Variants in RPS6KA5 observed in about 807,000 individuals in gnomAD.
RPS6KA5 encodes the protein ribosomal protein S6 kinase alpha-5.
A neutral mutation model predicts 85.5 loss-of-function variants in RPS6KA5; 27 were observed. The ratio of observed to expected loss-of-function variants is 0.32; its 90% CI spans 0.23 to 0.44. RPS6KA5 has a LOEUF of 0.44. Among genes scored for constraint, RPS6KA5 ranks in the 20% least tolerant of loss-of-function variants. The pLI is 1.00. For synonymous variants in RPS6KA5, 334 were observed against 348.2 expected, an observed-to-expected ratio of 0.96 and a Z score of 0.46; for missense variants, 811 against 980.9, an observed-to-expected ratio of 0.83 and a Z score of 2.31.
intron 1 of RPS6KA5, among the ~76,000 whole-genome samples, chr14:91,010,864 C>T (rs913785988): frequency 2.0e-5 from 3 of 152,062 alleles, no homozygotes; most frequent in Non-Finnish European, 4.4e-5. Context: ...TAATGGGATC[C>T]GGGACAGAAG....
chr14:91,056,709 C>A (rs888276082), intron 1 of RPS6KA5, among the ~76,000 whole-genome samples: 1 of 152,086 alleles, frequency 6.6e-6, no homozygotes, highest in African/African-American at 2.4e-5. Flanking sequence ...AAAATACTTA[C>A]TAAATAAGTG....
chr14:90,935,163 T>C (rs934764067), intron 5 of RPS6KA5, among the ~76,000 whole-genome samples: 2 of 152,202 alleles, frequency 1.3e-5, no homozygotes, highest in African/African-American at 4.8e-5. Flanking sequence ...TGATTCTCAA[T>C]GCAAACACGC....
intron 14 of RPS6KA5, among the ~76,000 whole-genome samples, chr14:90,875,742 G>A (rs995839631): frequency 2.0e-5 from 3 of 151,880 alleles, no homozygotes; most frequent in Non-Finnish European, 4.4e-5. Flanking sequence ...ATGAGTTCAT[G>A]TCCTTTGTAG....
At chr14:90,923,055 G>A in intron 6 of RPS6KA5, 58 bp downstream of exon 6, 2 of 1,279,456 alleles carry the variant, frequency 1.6e-6, no homozygotes, top group Non-Finnish European at 2.3e-6. Context: ...TTGTTAACTA[G>A]GATTCTTATA....
intron 1 of RPS6KA5, 100 bp from the exon 2 acceptor site, chr14:91,001,259 G>C: frequency 1.4e-6 from 1 of 692,412 alleles, no homozygotes; most frequent in Admixed American, 2.7e-5. Flanking sequence ...TTCTTGACTT[G>C]AGTGATTAAC....
At chr14:90,939,496 G>A (rs1260283124) in intron 5 of RPS6KA5, among the ~76,000 whole-genome samples, 1 of 152,134 alleles carries the variant, frequency 6.6e-6, no homozygotes, top group Non-Finnish European at 1.5e-5. Flanking sequence ...ATATATCCAA[G>A]ACTAGGCAAT....
chr14:91,036,901 C>A (rs780634502), intron 1 of RPS6KA5, among the ~76,000 whole-genome samples: 1 of 152,084 alleles, frequency 6.6e-6, no homozygotes, highest in Non-Finnish European at 1.5e-5. Context: ...AGTGGAGACG[C>A]CTTGGAGCAG....
intron 7 of RPS6KA5, among the ~76,000 whole-genome samples, chr14:90,912,929 T>TG (rs1566732204): frequency 2.3e-4 from 33 of 143,356 alleles, no homozygotes; most frequent in African/African-American, 6.6e-4. Flanking sequence ...TTTTTTTTTT[T>TG]GGGTGGAGTC....
At chr14:91,020,100 C>A (rs977673055) in intron 1 of RPS6KA5, among the ~76,000 whole-genome samples, 5 of 152,244 alleles carry the variant, frequency 3.3e-5, no homozygotes, top group Admixed American at 3.3e-4. Context: ...AGTAACAACA[C>A]CGTATTATAA....
At chr14:91,038,461 C>A (rs906532587) in intron 1 of RPS6KA5, among the ~76,000 whole-genome samples, 3 of 152,118 alleles carry the variant, frequency 2.0e-5, no homozygotes, top group Admixed American at 2.0e-4. Context: ...AATCTGGAAC[C>A]CATGAGGACA....
chr14:90,935,564 G>C (rs1324118281), intron 5 of RPS6KA5, among the ~76,000 whole-genome samples: 2 of 152,104 alleles, frequency 1.3e-5, no homozygotes, highest in East Asian at 1.9e-4. Flanking sequence ...CTAAGAAATA[G>C]AGAACCAGAA....
rs1253262521 is a variant in RPS6KA5, at chr14:91,050,069, CATAA to C, written c.103+10259_103+10262del. On this transcript the variant is annotated intron_variant, in intron 1 of 16. Transcript: ENST00000614987. ...AAAGGAGAGCTGCACTGTACTCATACATAACTACAACTGTCACTGAAATCTTTCA... is the reference window on the plus strand; with the variant it reads ...AAAGGAGAGCTGCACTGTACTCATACCTACAACTGTCACTGAAATCTTTCA... Among the ~76,000 whole-genome samples the C allele has an allele frequency of 2.0e-5, 3 of 152,318 alleles. No homozygotes were observed. The East Asian group carries it at 5.8e-4, about 29-fold the overall frequency.
rs1297132969 is a variant in RPS6KA5 at position 90,856,624 on chromosome 14, A to T, written c.*15450T>A. 6.6e-6 allele frequency: 1 copy of T among 152,130 alleles called. No homozygotes were observed. Among genetic ancestry groups the T allele is most frequent in the Non-Finnish European group, 1.5e-5 (1 of 68,030 alleles). 9.4% of individuals were successfully genotyped at this position (152,130 alleles called of 1,614,324 possible). Reference sequence around the variant, plus strand: ...GTGATCCACCCGTCTCGGCCTCCCAAAGTGCTGGGATCACAGGCGTGAGCC... The same window carrying T: ...GTGATCCACCCGTCTCGGCCTCCCATAGTGCTGGGATCACAGGCGTGAGCC... On this transcript the variant is annotated 3_prime_UTR_variant, in exon 17 of 17. Coordinates refer to ENST00000614987, the MANE Select transcript of RPS6KA5 (RefSeq NM_004755.4).
In RPS6KA5 at chr14:90,985,567, T is replaced by C. The variant is rs60021969; in HGVS notation, c.176-7043A>G. ...ATGCAGCTTAAAATTATACCTTGAA[T>C]AGAATGTTTACTAGCCATGCTGCAC... On this transcript the variant is annotated intron_variant, in intron 2 of 16. Transcript: ENST00000614987. Among the ~76,000 whole-genome samples, 1,464 of 152,318 alleles carry C rather than the reference T, an allele frequency of 9.6e-3. 25 individuals carry two copies. The highest frequency in any genetic ancestry group is 0.031 in the African/African-American group (1,304 of 41,564).
intron 14 of RPS6KA5, among the ~76,000 whole-genome samples, chr14:90,876,305 CATGTAACT>C (rs112064865): frequency 0.013 from 1,965 of 152,328 alleles, 43 homozygotes; most frequent in African/African-American, 0.045. Flanking sequence ...TTCCCCAGGA[CATGTAACT>C]ATGGTTAAGG....
chr14:91,019,528 C>A (rs1025376451), intron 1 of RPS6KA5, among the ~76,000 whole-genome samples: 2 of 152,192 alleles, frequency 1.3e-5, no homozygotes, highest in Admixed American at 1.3e-4. Context: ...GGCCACCATG[C>A]AGAGTTTGGA....
intron 9 of RPS6KA5, among the ~76,000 whole-genome samples, chr14:90,901,551 T>C (rs1156671643): frequency 6.6e-6 from 1 of 152,198 alleles, no homozygotes; most frequent in African/African-American, 2.4e-5. Context: ...TGCTCTGAGC[T>C]AAGTGGTACA....
chr14:90,875,930 A>G (rs373672810), intron 14 of RPS6KA5, among the ~76,000 whole-genome samples: 20 of 151,366 alleles, frequency 1.3e-4, no homozygotes, highest in African/African-American at 4.1e-4. Context: ...GAGGGATAGC[A>G]TTAGGAGATA....
At position 90,870,553 on chromosome 14, in the gene RPS6KA5, A is replaced by G. The variant is rs2033033119; in HGVS notation, c.*1521T>C. 1 of 152,108 alleles carries G rather than the reference A, an allele frequency of 6.6e-6. No individual in the cohort carries two copies. Among genetic ancestry groups the G allele is most frequent in the Non-Finnish European group, 1.5e-5 (1 of 67,984 alleles). 9.4% of individuals were successfully genotyped at this position (152,108 alleles called of 1,614,324 possible). A position where few individuals can be genotyped will look rare whatever the true frequency, so the allele number is the denominator to read the frequency against. On this transcript the variant is annotated 3_prime_UTR_variant, in exon 17 of 17. Coordinates refer to ENST00000614987, the MANE Select transcript of RPS6KA5 (RefSeq NM_004755.4). ...ATATACTACTATTACATAGAGTGCA[A>G]TATTTTTAGTATTCATAACTGGTTG...
Sources: gnomAD v4.1 joint callset for allele counts (sites outside exome capture counted in the v4.1 genomes callset) on GRCh38, gnomAD v4.1.1 for gene constraint, MANE v1.5 for transcripts, NCBI Gene and HGNC (gene_info 2026-07-23, HGNC 2026-07-21) for gene names.